Variants in RAP1A observed in about 807,000 individuals in gnomAD.
The protein encoded by RAP1A is RAP1A, member of RAS oncogene family.
A neutral mutation model predicts 26.4 loss-of-function variants in RAP1A; 6 were observed. The ratio of observed to expected loss-of-function variants is 0.23; its 90% CI spans 0.12 to 0.45. RAP1A has a LOEUF of 0.45. Ranked by LOEUF, RAP1A falls within the 20% of genes least tolerant of loss-of-function variation. The probability of loss-of-function intolerance (pLI) is 0.99; values close to 1 mark genes in which losing one functional copy is unlikely to be tolerated. For missense variants in RAP1A, 121 were observed against 217.2 expected (o/e 0.56, Z 2.78); for synonymous variants, 73 against 79.4 (o/e 0.92, Z 0.43).
chr1:111,697,408 T>A, intron 3 of RAP1A, 33 bp from the exon 4 acceptor site: 2 of 1,604,416 alleles, frequency 1.2e-6, no homozygotes, highest in Non-Finnish European at 8.5e-7. Context: ...TTGATGTTAC[T>A]CTTTAACCTT....
chr1:111,621,553 A>G (rs1329343503), intron 1 of RAP1A, among the ~76,000 whole-genome samples: 1 of 152,222 alleles, frequency 6.6e-6, no homozygotes, highest in African/African-American at 2.4e-5. Flanking sequence ...TTGTTGAATG[A>G]ATTGAATGAT....
intron 1 of RAP1A, among the ~76,000 whole-genome samples, chr1:111,658,073 A>G (rs756872094): frequency 6.6e-6 from 1 of 152,212 alleles, no homozygotes; most frequent in Non-Finnish European, 1.5e-5. Context: ...TGTACACTTG[A>G]AAATAATATA....
intron 1 of RAP1A, among the ~76,000 whole-genome samples, chr1:111,664,431 T>G (rs909917905): frequency 1.3e-5 from 2 of 151,552 alleles, no homozygotes; most frequent in African/African-American, 4.8e-5. Flanking sequence ...ACTAAGTCCT[T>G]TCCTCTCTCA....
intron 1 of RAP1A, among the ~76,000 whole-genome samples, chr1:111,655,419 A>G (rs1217510609): frequency 2.6e-5 from 4 of 152,080 alleles, no homozygotes; most frequent in African/African-American, 9.7e-5. Context: ...AGATAAATGA[A>G]AAAGAATACG....
chr1:111,691,288 C>A, intron 1 of RAP1A, 46 bp from the exon 2 acceptor site: 1 of 1,395,108 alleles, frequency 7.2e-7, no homozygotes, highest in Non-Finnish European at 1.0e-6. Context: ...CATTATTAGA[C>A]TGTTAGCATG....
intron 6 of RAP1A, among the ~76,000 whole-genome samples, chr1:111,708,738 C>G (rs1662277323): frequency 6.6e-6 from 1 of 152,182 alleles, no homozygotes; most frequent in African/African-American, 2.4e-5. Context: ...TTAAGGTCTA[C>G]TCTCAGATGA....
At chr1:111,695,290 C>CA in intron 2 of RAP1A, 51 bp from the exon 3 acceptor site, 1 of 1,349,020 alleles carries the variant, frequency 7.4e-7, no homozygotes, top group Non-Finnish European at 1.0e-6. Flanking sequence ...AAGTAACATT[C>CA]AAAGGAGTTT....
chr1:111,563,981 C>T (rs764419607), intron 1 of RAP1A: 1 of 1,544,294 alleles, frequency 6.5e-7, no homozygotes, highest in Non-Finnish European at 8.9e-7. Context: ...CTACCAACTG[C>T]CACAGAAGCT....
At chr1:111,645,233 A>G (rs1276932441) in intron 1 of RAP1A, among the ~76,000 whole-genome samples, 1 of 152,244 alleles carries the variant, frequency 6.6e-6, no homozygotes, top group Admixed American at 6.5e-5. Context: ...TTTAGCTTGT[A>G]GGAATTGCAG....
At chr1:111,619,302 C>A (rs1007415245), upstream of RAP1A, among the ~76,000 whole-genome samples, 1 of 152,112 alleles carries the variant, frequency 6.6e-6, no homozygotes, top group African/African-American at 2.4e-5. Context: ...GTAAAGTCAC[C>A]CTATCCTCTG....
At chr1:111,620,173 C>G (rs1659145850) in intron 1 of RAP1A, among the ~76,000 whole-genome samples, 1 of 152,146 alleles carries the variant, frequency 6.6e-6, no homozygotes, top group Non-Finnish European at 1.5e-5. Context: ...CCGACCCGGT[C>G]GACTGTAGGC....
chr1:111,649,430 T>G (rs1217273325), intron 1 of RAP1A: 4 of 357,970 alleles, frequency 1.1e-5, no homozygotes, highest in Admixed American at 3.1e-5. Flanking sequence ...CACGGAGATC[T>G]GGGAACCAGA....
intron 1 of RAP1A, among the ~76,000 whole-genome samples, chr1:111,643,503 G>T (rs1659958028): frequency 1.3e-5 from 2 of 152,128 alleles, no homozygotes; most frequent in South Asian, 4.2e-4. Context: ...CTGTTTATTA[G>T]CACTATTTGA....
intron 1 of RAP1A, among the ~76,000 whole-genome samples, chr1:111,651,579 T>C (rs547822): frequency 0.85 from 128,590 of 151,362 alleles, 54,730 homozygotes; most frequent in East Asian, 1. Context: ...CAGGTTCAAG[T>C]AATTCTTGTG....
chr1:111,603,289 A>G (rs953088383), intron 1 of RAP1A, among the ~76,000 whole-genome samples: 1 of 152,210 alleles, frequency 6.6e-6, no homozygotes, highest in East Asian at 1.9e-4. Context: ...TGAACCTTGA[A>G]GCCAACATCT....
chr1:111,632,252 A>C (rs1181670204), intron 1 of RAP1A, among the ~76,000 whole-genome samples: 1 of 151,352 alleles, frequency 6.6e-6, no homozygotes, highest in Non-Finnish European at 1.5e-5. Context: ...ACTAATGCCT[A>C]CACCCAGGCA....
chr1:111,573,742 T>C (rs1338164862), intron 1 of RAP1A, among the ~76,000 whole-genome samples: 1 of 152,268 alleles, frequency 6.6e-6, no homozygotes, highest in Non-Finnish European at 1.5e-5. Flanking sequence ...TATATGCTTG[T>C]TGGCCACATG....
At chr1:111,545,877 T>C (rs1657016688) in intron 1 of RAP1A, among the ~76,000 whole-genome samples, 1 of 152,190 alleles carries the variant, frequency 6.6e-6, no homozygotes, top group African/African-American at 2.4e-5. Flanking sequence ...TTGAAAAGAC[T>C]GTCCTTTCTC....
chr1:111,661,847 G>A (rs1418320250), intron 1 of RAP1A, among the ~76,000 whole-genome samples: 2 of 149,488 alleles, frequency 1.3e-5, no homozygotes, highest in Non-Finnish European at 3.0e-5. Flanking sequence ...ATCTCTTTTT[G>A]GTTCCATGGT....
Sources: gnomAD v4.1 joint callset for allele counts (sites outside exome capture counted in the v4.1 genomes callset) on GRCh38, gnomAD v4.1.1 for gene constraint, MANE v1.5 for transcripts, NCBI Gene and HGNC (gene_info 2026-07-23, HGNC 2026-07-21) for gene names.